MMP16: variants seen among roughly 807,000 people sequenced by gnomAD.
MMP16 encodes the protein matrix metalloproteinase-16.
A neutral mutation model predicts 67.8 loss-of-function variants in MMP16; 12 were observed. That is an observed-to-expected ratio of 0.18 (90% CI 0.11 to 0.29). The LOEUF is 0.29. Ranked by LOEUF, MMP16 falls within the 10% of genes least tolerant of loss-of-function variation. The probability of loss-of-function intolerance (pLI) is 1.00; values close to 1 mark genes in which losing one functional copy is unlikely to be tolerated. For missense variants in MMP16, 475 were observed against 765.7 expected, an observed-to-expected ratio of 0.62 and a Z score of 4.48; for synonymous variants, 249 against 255.9, an observed-to-expected ratio of 0.97 and a Z score of 0.26.
intron 7 of MMP16, among the ~76,000 whole-genome samples, chr8:88,060,565 C>G (rs1239655206): frequency 6.6e-6 from 1 of 152,020 alleles, no homozygotes; most frequent in East Asian, 1.9e-4. Context: ...TTATGGAAAA[C>G]TAGGATGACA....
intron 4 of MMP16, among the ~76,000 whole-genome samples, chr8:88,146,482 A>AACATATATT (rs1418268210): frequency 6.6e-6 from 1 of 151,926 alleles, no homozygotes; most frequent in Non-Finnish European, 1.5e-5. Context: ...ATCCACATGG[A>AACATATATT]ACATATATTT....
intron 1 of MMP16, among the ~76,000 whole-genome samples, chr8:88,271,471 C>G (rs1320169737): frequency 6.6e-6 from 1 of 151,744 alleles, no homozygotes; most frequent in Non-Finnish European, 1.5e-5. Context: ...TTGCCACTCA[C>G]AGATTTGGAT....
intron 6 of MMP16, among the ~76,000 whole-genome samples, chr8:88,077,484 C>T (rs1808670519): frequency 6.6e-6 from 1 of 152,128 alleles, no homozygotes; most frequent in African/African-American, 2.4e-5. Flanking sequence ...GTTGTATTTT[C>T]CTTCACTGCA....
intron 7 of MMP16, among the ~76,000 whole-genome samples, chr8:88,062,467 C>G (rs1284350416): frequency 6.6e-6 from 1 of 152,124 alleles, no homozygotes; most frequent in African/African-American, 2.4e-5. Flanking sequence ...CCATGGAATA[C>G]TATGCAGCCA....
At chr8:88,308,719 T>C (rs1811249342) in intron 1 of MMP16, among the ~76,000 whole-genome samples, 1 of 152,064 alleles carries the variant, frequency 6.6e-6, no homozygotes, top group Admixed American at 6.6e-5. Context: ...AGTTTTGAAA[T>C]GCTGCAGATT....
At chr8:88,056,528 G>A (rs1256558714) in intron 7 of MMP16, among the ~76,000 whole-genome samples, 1 of 151,776 alleles carries the variant, frequency 6.6e-6, no homozygotes, top group Non-Finnish European at 1.5e-5. Context: ...CAAAATTTGT[G>A]AGTGAATTTA....
chr8:88,244,396 C>T (rs1029212921), intron 1 of MMP16, among the ~76,000 whole-genome samples: 5 of 152,108 alleles, frequency 3.3e-5, no homozygotes, highest in African/African-American at 1.2e-4. Context: ...CGAACTCTGG[C>T]AATGAAATAC....
intron 1 of MMP16, among the ~76,000 whole-genome samples, chr8:88,198,017 G>C (rs1809283848): frequency 6.6e-6 from 1 of 152,164 alleles, no homozygotes. Flanking sequence ...AGGGTCTCAT[G>C]ATTTTTATCC....
At chr8:88,178,469 A>G (rs746174400) in intron 3 of MMP16, among the ~76,000 whole-genome samples, 52 of 152,206 alleles carry the variant, frequency 3.4e-4, no homozygotes, top group Non-Finnish European at 5.9e-4. Context: ...ATGTCAATAG[A>G]AACATCCCAA....
At chr8:88,092,113 G>GC (rs1005998009) in intron 6 of MMP16, among the ~76,000 whole-genome samples, 128 of 151,944 alleles carry the variant, frequency 8.4e-4, no homozygotes, top group African/African-American at 3.1e-3. Context: ...TCAGTCTTCA[G>GC]CCGAAACACT....
chr8:88,046,620 G>T, intron 9 of MMP16, 49 bp downstream of exon 9: 2 of 1,215,876 alleles, frequency 1.6e-6, no homozygotes, highest in Non-Finnish European at 2.3e-6. Context: ...AGCCTAATGT[G>T]TTACTAAGAT....
chr8:88,123,219 T>C (rs1332240588), intron 4 of MMP16, among the ~76,000 whole-genome samples: 1 of 151,954 alleles, frequency 6.6e-6, no homozygotes, highest in Non-Finnish European at 1.5e-5. Flanking sequence ...AACTGAACAG[T>C]AGAAAGGAAG....
intron 1 of MMP16, among the ~76,000 whole-genome samples, chr8:88,206,155 C>A (rs1312553945): frequency 6.6e-6 from 1 of 151,974 alleles, no homozygotes; most frequent in East Asian, 1.9e-4. Flanking sequence ...AATATATAAT[C>A]TAAATTTATC....
At chr8:88,144,560 T>C (rs771943940) in intron 4 of MMP16, among the ~76,000 whole-genome samples, 22 of 151,826 alleles carry the variant, frequency 1.4e-4, no homozygotes, top group Middle Eastern at 3.4e-3. Flanking sequence ...TTTAGCAAAT[T>C]TAGATTGGAT....
rs1253370287 is a variant in MMP16, at chr8:88,107,703, T to G, written c.1083+8804A>C. 3.3e-5 allele frequency among the ~76,000 whole-genome samples: 5 copies of G among 151,184 alleles called. No individual in the cohort carries two copies. In the East Asian group the frequency reaches 7.8e-4, roughly 24 times the overall value. On this transcript the variant is annotated intron_variant, in intron 6 of 9. Coordinates refer to ENST00000286614, the MANE Select transcript of MMP16 (RefSeq NM_005941.5). The stretch of plus-strand genomic sequence containing the variant: ...GAAGTTCTGCACATTTCTTTACAAG[T>G]GTAGCCCTAGATGTTTTATTTTATA...
At chr8:88,207,411 T>A (rs1809446333) in intron 1 of MMP16, among the ~76,000 whole-genome samples, 1 of 152,164 alleles carries the variant, frequency 6.6e-6, no homozygotes, top group African/African-American at 2.4e-5. Flanking sequence ...TGAGAAGTTG[T>A]CTCTCCACTT....
chr8:88,052,533 T>C (rs957610285), intron 8 of MMP16, among the ~76,000 whole-genome samples: 1 of 152,182 alleles, frequency 6.6e-6, no homozygotes, highest in African/African-American at 2.4e-5. Context: ...CAGCACAATC[T>C]GTGTGAATAC....
At chr8:88,133,494 G>C (rs1048416916) in intron 4 of MMP16, among the ~76,000 whole-genome samples, 2 of 151,792 alleles carry the variant, frequency 1.3e-5, no homozygotes, top group African/African-American at 4.8e-5. Context: ...TAATGTTTGA[G>C]TTATAGGATT....
intron 1 of MMP16, among the ~76,000 whole-genome samples, chr8:88,307,865 T>C (rs1194186347): frequency 1.3e-5 from 2 of 152,070 alleles, no homozygotes; most frequent in Non-Finnish European, 2.9e-5. Flanking sequence ...TATGATTATA[T>C]GAAAATATAC....
Sources: allele counts gnomAD v4.1 joint callset (sites outside exome capture counted in the v4.1 genomes callset), GRCh38; gene constraint gnomAD v4.1.1; transcripts MANE v1.5; gene names NCBI Gene and HGNC (gene_info 2026-07-23, HGNC 2026-07-21).